KIF4A: variants seen among roughly 807,000 people sequenced by gnomAD.
The protein encoded by KIF4A is chromosome-associated kinesin KIF4A.
A neutral mutation model predicts 105.9 loss-of-function variants in KIF4A; 7 were observed. The observed-to-expected ratio is 0.07, with a 90% CI of 0.04 to 0.12. The LOEUF is 0.12. Among genes scored for constraint, KIF4A ranks in the 10% least tolerant of loss-of-function variants. The pLI is 1.00. For synonymous variants in KIF4A, 281 were observed against 331.3 expected (o/e 0.85, Z 1.65); for missense variants, 558 against 929.2 (o/e 0.60, Z 5.19).
At chrX:70,399,010 T>C (rs2086270484) in intron 22 of KIF4A, among the ~76,000 whole-genome samples, 2 of 111,450 alleles carry the variant, frequency 1.8e-5, no homozygotes, top group South Asian at 7.7e-4. Context: ...TACTCTCAGG[T>C]TTTAAAAAAA....
At chrX:70,406,773 A>G in intron 27 of KIF4A, 120 bp from the exon 28 acceptor site, 1 of 754,831 alleles carries the variant, frequency 1.3e-6, no homozygotes, top group Non-Finnish European at 2.0e-6. Flanking sequence ...GGTGGATTTG[A>G]GAGAGTCTGA....
In KIF4A at chrX:70,343,843, A is replaced by C. The variant is rs997007570; in HGVS notation, c.1326-34A>C. On this transcript the variant is annotated intron_variant, in intron 12 of 30. Coordinates refer to ENST00000374403, the MANE Select transcript of KIF4A (RefSeq NM_012310.5). ...GGAGCCTCTGGCCTTTGTCATATGA[A>C]TAACCCTTGGGTTCTTTTTGTTTGA... 4.2e-6 allele frequency: 5 copies of C among 1,191,074 alleles called. No individual in the cohort carries two copies. The African/African-American group carries it at 8.8e-5, about 21-fold the overall frequency.
chrX:70,303,454 G>A (rs1569229168), intron 7 of KIF4A, among the ~76,000 whole-genome samples: 1 of 112,012 alleles, frequency 8.9e-6, no homozygotes. Flanking sequence ...CTTGGGAACT[G>A]AGAAGGCAGA....
At chrX:70,298,234 A>G (rs1050381315) in intron 4 of KIF4A, among the ~76,000 whole-genome samples, 1 of 110,324 alleles carries the variant, frequency 9.1e-6, no homozygotes, top group African/African-American at 3.3e-5. Context: ...TTTTAATTCT[A>G]TTTATTTATT....
chrX:70,360,412 G>T, intron 15 of KIF4A, among the ~76,000 whole-genome samples: 1 of 112,304 alleles, frequency 8.9e-6, no homozygotes, highest in Non-Finnish European at 1.9e-5. Context: ...AGAGAAGGGG[G>T]CTCCTCAGCA....
intron 15 of KIF4A, among the ~76,000 whole-genome samples, chrX:70,372,005 G>A (rs2086138899): frequency 9.2e-6 from 1 of 109,167 alleles, no homozygotes; most frequent in Admixed American, 9.6e-5. Flanking sequence ...CATCCCAGAT[G>A]GGGCGGCAGG....
At chrX:70,322,711 T>C (rs2085896135) in intron 7 of KIF4A, among the ~76,000 whole-genome samples, 1 of 100,856 alleles carries the variant, frequency 9.9e-6, no homozygotes, top group East Asian at 3.0e-4. Flanking sequence ...CTATGCTCTT[T>C]TTTTTTTTTT....
intron 23 of KIF4A, 109 bp downstream of exon 23, chrX:70,402,804 C>G (rs2086287263): frequency 1.2e-5 from 11 of 905,533 alleles, no homozygotes; most frequent in Non-Finnish European, 1.4e-5. Flanking sequence ...TGGTAGAAAC[C>G]CTAATAACAC....
chrX:70,373,071 A>G (rs1412017372), intron 15 of KIF4A, among the ~76,000 whole-genome samples: 1 of 111,450 alleles, frequency 9.0e-6, no homozygotes, highest in African/African-American at 3.3e-5. Flanking sequence ...CAGGAGTTTA[A>G]GACCAGCCTG....
At chrX:70,304,806 G>A (rs1186476767) in intron 7 of KIF4A, among the ~76,000 whole-genome samples, 1 of 109,498 alleles carries the variant, frequency 9.1e-6, no homozygotes, top group African/African-American at 3.3e-5. Context: ...ACAAGCATGT[G>A]CCACCATGCC....
intron 7 of KIF4A, 87 bp from the exon 8 acceptor site, chrX:70,329,318 C>A: frequency 1.2e-6 from 1 of 850,025 alleles, no homozygotes; most frequent in South Asian, 2.6e-5. Flanking sequence ...TTTATGGGGT[C>A]TTTATTTCTT....
intron 20 of KIF4A, among the ~76,000 whole-genome samples, chrX:70,391,643 T>G (rs151332328): frequency 9.0e-6 from 1 of 111,478 alleles, no homozygotes; most frequent in Admixed American, 9.6e-5. Context: ...GTTCAAGGAT[T>G]ACATGTGCAG....
intron 28 of KIF4A, 72 bp downstream of exon 28, chrX:70,407,147 G>T: frequency 1.9e-6 from 2 of 1,071,587 alleles, no homozygotes; most frequent in Non-Finnish European, 2.5e-6. Flanking sequence ...TCACTCTGTC[G>T]CCCAGGCTGG....
chrX:70,341,674 T>C (rs903229045), intron 10 of KIF4A, 125 bp from the exon 11 acceptor site: 1 of 651,418 alleles, frequency 1.5e-6, no homozygotes, highest in African/African-American at 2.2e-5. Context: ...CCCAGACTTT[T>C]GTGGTATAAT....
chrX:70,290,813 G>A lies in KIF4A; in HGVS notation c.235+8G>A. The A allele has an allele frequency of 9.1e-7, 1 of 1,094,721 alleles. No individual in the cohort carries two copies. The highest frequency in any genetic ancestry group is 1.3e-6 in the Non-Finnish European group (1 of 789,107). 90.2% of individuals were successfully genotyped at this position (1,094,721 alleles called of 1,213,427 possible). A position where few individuals can be genotyped will look rare whatever the true frequency, so the allele number is the denominator to read the frequency against. On this transcript the variant is annotated splice_region_variant and intron_variant, in intron 3 of 30. Coordinates refer to ENST00000374403, the MANE Select transcript of KIF4A (RefSeq NM_012310.5). ...TAAAAGGTGTATTTAAAGGTAAGGC[G>A]ATTTGATTCCTCGAACGTAACATAT...
intron 4 of KIF4A, 119 bp from the exon 5 acceptor site, chrX:70,298,994 G>T: frequency 2.0e-6 from 1 of 495,751 alleles, no homozygotes; most frequent in Non-Finnish European, 3.3e-6. Flanking sequence ...TGTTCATTAT[G>T]AACAAATGTT....
At position 70,370,494 on chromosome X, in the gene KIF4A, ATATAC is replaced by A. The variant is rs1262571037; in HGVS notation, c.1675-3652_1675-3648del. Among the ~76,000 whole-genome samples the A allele has an allele frequency of 8.3e-5, 9 of 108,137 alleles. No individual in the cohort carries two copies. In the Admixed American group the frequency reaches 9.0e-4, roughly 11 times the overall value. The allele number at this position is 108,137 out of a possible 115,157, so 93.9% of individuals were successfully genotyped here. A position where few individuals can be genotyped will look rare whatever the true frequency, so the allele number is the denominator to read the frequency against. On this transcript the variant is annotated intron_variant, in intron 15 of 30. Coordinates refer to ENST00000374403, the MANE Select transcript of KIF4A (RefSeq NM_012310.5). ...GAATATATGTAATATAGAATATATGATATACTATATATAGAATATATGTAATATAG... is the reference window on the plus strand; with the variant it reads ...GAATATATGTAATATAGAATATATGATATATATAGAATATATGTAATATAG...
intron 4 of KIF4A, among the ~76,000 whole-genome samples, chrX:70,298,896 T>C (rs1433093070): frequency 8.9e-6 from 1 of 112,643 alleles, no homozygotes; most frequent in Non-Finnish European, 1.9e-5. Context: ...TCAATTTTGC[T>C]ACAAGTGATA....
chrX:70,364,478 C>T (rs1401993672), intron 15 of KIF4A, among the ~76,000 whole-genome samples: 5 of 108,383 alleles, frequency 4.6e-5, no homozygotes, highest in African/African-American at 1.7e-4. Flanking sequence ...GTTTTCCCAG[C>T]ACCATTTATT....
Sources: allele counts gnomAD v4.1 joint callset (sites outside exome capture counted in the v4.1 genomes callset), GRCh38; gene constraint gnomAD v4.1.1; transcripts MANE v1.5; gene names NCBI Gene and HGNC (gene_info 2026-07-23, HGNC 2026-07-21).